DICER1: variants seen among roughly 807,000 people sequenced by gnomAD.
The protein encoded by DICER1 is endoribonuclease Dicer.
A neutral mutation model predicts 194.1 loss-of-function variants in DICER1; 43 were observed. That is an observed-to-expected ratio of 0.22 (90% CI 0.17 to 0.29). The LOEUF (loss-of-function observed/expected upper bound fraction) is 0.29, where lower values mean the gene tolerates loss of function less well. DICER1 is among the 10% of genes least tolerant of loss of function. The pLI is 1.00. For synonymous variants in DICER1, 832 were observed against 820.5 expected, an observed-to-expected ratio of 1.01 and a Z score of -0.24; for missense variants, 1,608 against 2,317.0, an observed-to-expected ratio of 0.69 and a Z score of 6.28.
At chr14:95,100,947 T>C (rs537418029) in intron 21 of DICER1, among the ~76,000 whole-genome samples, 1 of 152,260 alleles carries the variant, frequency 6.6e-6, no homozygotes, top group East Asian at 1.9e-4. Flanking sequence ...CGTAGCAGGC[T>C]GAAATAAATG....
At chr14:95,115,391 T>C (rs888851198) in intron 11 of DICER1, among the ~76,000 whole-genome samples, 10 of 152,050 alleles carry the variant, frequency 6.6e-5, no homozygotes, top group African/African-American at 9.7e-5. Flanking sequence ...TAGAAAAAAA[T>C]TGGTGAGAAT....
At chr14:95,100,566 T>A (rs1439692968) in intron 21 of DICER1, among the ~76,000 whole-genome samples, 1 of 152,250 alleles carries the variant, frequency 6.6e-6, no homozygotes, top group Non-Finnish European at 1.5e-5. Context: ...TTCACATTAA[T>A]GGAACAGCTT....
At chr14:95,109,435 T>C (rs889390410) in intron 14 of DICER1, among the ~76,000 whole-genome samples, 1 of 152,226 alleles carries the variant, frequency 6.6e-6, no homozygotes, top group Non-Finnish European at 1.5e-5. Flanking sequence ...GGTCTCACTA[T>C]GTTGACCAGG....
chr14:95,115,575 AC>A (rs748015183), intron 11 of DICER1, 91 bp downstream of exon 11: 2 of 1,403,606 alleles, frequency 1.4e-6, no homozygotes, highest in Non-Finnish European at 2.0e-6. Context: ...AAGACTGGTA[AC>A]CGCAAAATGT....
chr14:95,153,617 G>A (rs1204271818), intron 1 of DICER1, among the ~76,000 whole-genome samples: 1 of 152,102 alleles, frequency 6.6e-6, no homozygotes, highest in Non-Finnish European at 1.5e-5. Flanking sequence ...ATTAATCAAC[G>A]TGAGTTACAT....
chr14:95,129,915 AATTT>A (rs1893807614), intron 5 of DICER1, 139 bp downstream of exon 5: 1 of 732,844 alleles, frequency 1.4e-6, no homozygotes, highest in Admixed American at 2.8e-5. Flanking sequence ...AATGAACATT[AATTT>A]AATATTCATT....
chr14:95,124,672 C>T lies in DICER1; in HGVS notation c.904-4G>A. On this transcript the variant is annotated splice_region_variant and splice_polypyrimidine_tract_variant and intron_variant, in intron 7 of 26. Coordinates refer to ENST00000343455, the MANE Select transcript of DICER1 (RefSeq NM_177438.3). The surrounding 1 kb of genome is among the most constrained non-coding windows in gnomAD (Gnocchi z 4.5). ...CGGCACGACAGTCTGATAGTATCTA[C>T]AAAAAAAAGAAAAGAAAAAACCTAA... 6.2e-7 allele frequency: 1 copy of T among 1,603,936 alleles called. No individual in the cohort carries two copies. Among genetic ancestry groups the T allele is most frequent in the East Asian group, 2.2e-5 (1 of 44,820 alleles).
At chr14:95,102,612 CTTCT>C (rs747928061) in intron 21 of DICER1, among the ~76,000 whole-genome samples, 3 of 152,222 alleles carry the variant, frequency 2.0e-5, no homozygotes, top group Non-Finnish European at 2.9e-5. Context: ...ATGCTCCTTC[CTTCT>C]GAGTGCTGCA....
chr14:95,099,225 T>C (rs370911078), intron 22 of DICER1, among the ~76,000 whole-genome samples: 21 of 152,280 alleles, frequency 1.4e-4, no homozygotes, highest in Middle Eastern at 3.4e-3. Context: ...GAAGTGGCTG[T>C]TGCTGATATT....
intron 9 of DICER1, among the ~76,000 whole-genome samples, chr14:95,117,150 C>T (rs1342644443): frequency 4.6e-5 from 7 of 151,214 alleles, no homozygotes; most frequent in Non-Finnish European, 1.0e-4. Context: ...TGTATTAAGA[C>T]CTTACAAGGC....
chr14:95,128,704 T>C (rs555452151), intron 6 of DICER1, among the ~76,000 whole-genome samples: 71 of 152,302 alleles, frequency 4.7e-4, no homozygotes, highest in East Asian at 1.9e-4. Context: ...AGCTTACAAT[T>C]AGTGGAGCTA....
intron 24 of DICER1, 149 bp from the exon 25 acceptor site, chr14:95,091,514 T>G: frequency 1.4e-6 from 1 of 728,552 alleles, no homozygotes. Flanking sequence ...TATATTGTAA[T>G]AGTAAAACAA....
Position 95,132,680 on chromosome 14 carries a change from A to C in DICER1, c.145-3T>G. ...AGAGCTGCTTCAAGCAGTTCAACCT[A>C]GAAACATGGTGAAAAAAAAGTTATG... On this transcript the variant is annotated splice_polypyrimidine_tract_variant and splice_region_variant and intron_variant, in intron 2 of 26. Coordinates refer to ENST00000343455, the MANE Select transcript of DICER1 (RefSeq NM_177438.3). 1 of 1,613,778 alleles carries C rather than the reference A, an allele frequency of 6.2e-7. No individual in the cohort carries two copies. Among genetic ancestry groups the C allele is most frequent in the East Asian group, 2.2e-5 (1 of 44,824 alleles).
chr14:95,111,836 T>C (rs1041608325), intron 13 of DICER1, among the ~76,000 whole-genome samples: 5 of 151,684 alleles, frequency 3.3e-5, no homozygotes. Flanking sequence ...TATACTAGTA[T>C]AGACTAATTT....
intron 24 of DICER1, among the ~76,000 whole-genome samples, chr14:95,091,895 TGTGTTCACTATAACCG>T: frequency 6.6e-6 from 1 of 152,192 alleles, no homozygotes; most frequent in East Asian, 1.9e-4. Flanking sequence ...CCACTAGATA[TGTGTTCACTATAACCG>T]AGTATCTGAC....
chr14:95,144,594 T>C (rs1403720913), intron 1 of DICER1, among the ~76,000 whole-genome samples: 2 of 152,210 alleles, frequency 1.3e-5, no homozygotes, highest in African/African-American at 4.8e-5. Flanking sequence ...TAAAATTTTA[T>C]GAAACCCTTA....
intron 1 of DICER1, among the ~76,000 whole-genome samples, chr14:95,145,790 G>GT (rs1009079322): frequency 1.9e-4 from 28 of 148,064 alleles, no homozygotes; most frequent in East Asian, 3.9e-4. Flanking sequence ...TTTTTAAAAA[G>GT]TTTTTTTTTT....
At chr14:95,149,833 A>G (rs534062821) in intron 1 of DICER1, among the ~76,000 whole-genome samples, 16 of 151,464 alleles carry the variant, frequency 1.1e-4, no homozygotes, top group Non-Finnish European at 2.1e-4. Context: ...AACTCAAATT[A>G]GACACTTTTA....
intron 26 of DICER1, 110 bp from the exon 27 acceptor site, chr14:95,090,773 C>A: frequency 7.5e-7 from 1 of 1,328,342 alleles, no homozygotes; most frequent in Non-Finnish European, 1.1e-6. Flanking sequence ...TAAGCTGACA[C>A]CACACAAAGG....
Sources: gnomAD v4.1 joint callset for allele counts (sites outside exome capture counted in the v4.1 genomes callset) on GRCh38, gnomAD v4.1.1 for gene constraint, Gnocchi (gnomAD v3.1) non-coding constraint, MANE v1.5 for transcripts, NCBI Gene and HGNC (gene_info 2026-07-23, HGNC 2026-07-21) for gene names.